MIDEAS: variants seen among roughly 807,000 people sequenced by gnomAD.
MIDEAS encodes the protein mitotic deacetylase associated SANT domain protein.
A neutral mutation model predicts 102.7 loss-of-function variants in MIDEAS; 26 were observed. That is an observed-to-expected ratio of 0.25 (90% CI 0.19 to 0.35). The LOEUF is 0.35. MIDEAS is among the 10% of genes least tolerant of loss of function. MIDEAS has a pLI of 1.00. For missense variants in MIDEAS, 1,231 were observed against 1,435.6 expected, an observed-to-expected ratio of 0.86 and a Z score of 2.30; for synonymous variants, 585 against 591.0, an observed-to-expected ratio of 0.99 and a Z score of 0.15.
chr14:73,762,675 G>A (rs548268614), upstream of MIDEAS, among the ~76,000 whole-genome samples: 1 of 152,312 alleles, frequency 6.6e-6, no homozygotes, highest in African/African-American at 2.4e-5. Context: ...TGAAGTGAAA[G>A]TTTTGGTTTT....
intron 3 of MIDEAS, among the ~76,000 whole-genome samples, chr14:73,734,510 C>T (rs904643537): frequency 1.2e-4 from 18 of 152,160 alleles, no homozygotes; most frequent in Middle Eastern, 3.2e-3. Context: ...TGGGCTCAAG[C>T]GATCCTCCCA....
chr14:73,749,595 T>A (rs895356436), intron 1 of MIDEAS, among the ~76,000 whole-genome samples: 4 of 147,740 alleles, frequency 2.7e-5, no homozygotes, highest in African/African-American at 7.4e-5. Context: ...ATATATAAAA[T>A]ATATATATGT....
intron 3 of MIDEAS, among the ~76,000 whole-genome samples, chr14:73,736,677 C>T (rs563476012): frequency 2.0e-5 from 3 of 151,102 alleles, no homozygotes; most frequent in South Asian, 4.2e-4. Flanking sequence ...ACAGTACAAG[C>T]AAACACCTCT....
At chr14:73,778,079 G>A (rs994025109) in intron 1 of MIDEAS, among the ~76,000 whole-genome samples, 3 of 151,950 alleles carry the variant, frequency 2.0e-5, no homozygotes, top group African/African-American at 7.2e-5. Flanking sequence ...TAGGGGCCAG[G>A]CGTGGTGGCT....
At chr14:73,723,929 G>A (rs1261032665) in intron 9 of MIDEAS, 1 of 152,218 alleles carries the variant, frequency 6.6e-6, no homozygotes, top group African/African-American at 2.4e-5. Context: ...GTCGGGGGAG[G>A]AACTCAAGGG....
Position 73,722,773 on chromosome 14 carries a change from A to G in MIDEAS, c.2649T>C (p.Asn883=). The change falls in exon 10 of 13, where the codon AAT becomes AAC. Residue 883 remains asparagine, a synonymous_variant. Transcript: ENST00000423556. ...TYKKQVKIGR[N]GTLTFGDVDT... ...CCACATCCCCAAAGGTTAGAGTCCC[A>G]TTGCGGCCGATTTTCACCTGCTTCT... The G allele has an allele frequency of 6.2e-7, 1 of 1,614,162 alleles. No homozygotes were observed. Among genetic ancestry groups the G allele is most frequent in the Non-Finnish European group, 8.5e-7 (1 of 1,180,028 alleles).
chr14:73,721,617 C>CAGGA, intron 10 of MIDEAS, 108 bp from the exon 11 acceptor site: 1 of 954,666 alleles, frequency 1.0e-6, no homozygotes, highest in African/African-American at 1.6e-5. Flanking sequence ...GTCCTGCTCG[C>CAGGA]CTGGCTGGCC....
chr14:73,756,295 T>TGTGTGCGCGC (rs55692592), intron 1 of MIDEAS, among the ~76,000 whole-genome samples: 1,883 of 127,642 alleles, frequency 0.015, 22 homozygotes, highest in Middle Eastern at 0.051. Context: ...TGTGTGTGTG[T>TGTGTGCGCGC]GCGCGCGCGC....
chr14:73,736,966 C>T, intron 3 of MIDEAS, 32 bp downstream of exon 3: 2 of 1,598,188 alleles, frequency 1.3e-6, no homozygotes, highest in African/African-American at 1.3e-5. Context: ...CACTCACGCG[C>T]TGGAGGTGTT....
chr14:73,756,295 T>TGTGTGCGCGCGCGCGC (rs55692592), intron 1 of MIDEAS, among the ~76,000 whole-genome samples: 2 of 127,626 alleles, frequency 1.6e-5, no homozygotes, highest in African/African-American at 5.4e-5. Context: ...TGTGTGTGTG[T>TGTGTGCGCGCGCGCGC]GCGCGCGCGC....
chr14:73,748,238 A>G (rs897068140), intron 1 of MIDEAS, among the ~76,000 whole-genome samples: 1 of 152,250 alleles, frequency 6.6e-6, no homozygotes, highest in East Asian at 1.9e-4. Flanking sequence ...AATGGATTAA[A>G]TATCTAAAAG....
intron 11 of MIDEAS, among the ~76,000 whole-genome samples, chr14:73,720,794 G>A (rs2140094363): frequency 6.6e-6 from 1 of 152,310 alleles, no homozygotes; most frequent in Admixed American, 6.5e-5. Context: ...ACTCTGCAGT[G>A]TGAGGAACTA....
intron 11 of MIDEAS, 57 bp downstream of exon 11, chr14:73,721,240 C>A (rs752541058): frequency 1.3e-6 from 2 of 1,565,710 alleles, no homozygotes; most frequent in Non-Finnish European, 1.7e-6. Context: ...CTCCCACGCC[C>A]CCAGGCCCAG....
intron 10 of MIDEAS, 72 bp from the exon 11 acceptor site, chr14:73,721,581 G>C: frequency 4.9e-6 from 7 of 1,441,672 alleles, no homozygotes; most frequent in Non-Finnish European, 5.8e-6. Flanking sequence ...TTCTGACCCG[G>C]CCGGGGGGTT....
intron 1 of MIDEAS, among the ~76,000 whole-genome samples, chr14:73,757,105 T>A (rs2053492921): frequency 6.6e-6 from 1 of 151,550 alleles, no homozygotes; most frequent in Non-Finnish European, 1.5e-5. Context: ...AAACCCCATA[T>A]CTACAAAAAT....
At chr14:73,784,298 T>C (rs1384605867) in intron 1 of MIDEAS, among the ~76,000 whole-genome samples, 1 of 152,228 alleles carries the variant, frequency 6.6e-6, no homozygotes, top group African/African-American at 2.4e-5. Context: ...TATGATTCTG[T>C]CTCTGTGTAA....
chr14:73,773,114 A>G (rs1302413723), intron 1 of MIDEAS, among the ~76,000 whole-genome samples: 7 of 148,692 alleles, frequency 4.7e-5, no homozygotes, highest in Non-Finnish European at 1.5e-5. Flanking sequence ...CTGGGATTAC[A>G]GATGTAAGCC....
chr14:73,764,339 CAAA>C (rs5809629), upstream of MIDEAS, among the ~76,000 whole-genome samples: 5 of 88,254 alleles, frequency 5.7e-5, no homozygotes, highest in Admixed American at 2.5e-4. Flanking sequence ...GACCCTGTCT[CAAA>C]AAAAAAAAAA....
In MIDEAS at chr14:73,721,498, C is replaced by G; in HGVS notation, c.2736G>C (p.Lys912Asn). The G allele has an allele frequency of 6.2e-7, 1 of 1,614,084 alleles. No homozygotes were observed. Among genetic ancestry groups the G allele is most frequent in the Non-Finnish European group, 8.5e-7 (1 of 1,179,990 alleles). The change falls in exon 11 of 13, where the codon AAG becomes AAC. Residue 912 changes from lysine to asparagine, a missense_variant. Around this residue, in one of 5 missense-constraint regions of MIDEAS, gnomAD observed 391 missense variants for 483.0 expected, o/e 0.81. Coordinates refer to ENST00000423556, the MANE Select transcript of MIDEAS (RefSeq NM_001367710.1). ...EVEVDIKTSQ[K>N]FPRVPLPRRE... ...TTCTGGGAAGAGGCACCCTTGGGAACTTTTGGGAAGTCTATGGGGAACAAG... is the reference window on the plus strand; with the variant it reads ...TTCTGGGAAGAGGCACCCTTGGGAAGTTTTGGGAAGTCTATGGGGAACAAG...
Sources: allele counts gnomAD v4.1 joint callset (sites outside exome capture counted in the v4.1 genomes callset), GRCh38; gene constraint gnomAD v4.1.1; regional missense constraint gnomAD v4.1.1; transcripts MANE v1.5; gene names NCBI Gene and HGNC (gene_info 2026-07-23, HGNC 2026-07-21).